Variants in USH2A observed in about 807,000 individuals in gnomAD.
USH2A encodes the protein usherin.
A neutral mutation model predicts 538.9 loss-of-function variants in USH2A; 443 were observed. The observed-to-expected ratio is 0.82, with a 90% CI of 0.76 to 0.89. USH2A has a LOEUF of 0.89. USH2A is among the 40% of genes least tolerant of loss of function. USH2A has a pLI of 0.00. For synonymous variants in USH2A, 2,413 were observed against 2,273.5 expected (o/e 1.06, Z -1.75); for missense variants, 6,633 against 6,324.8 (o/e 1.05, Z -1.65).
At chr1:216,231,473 CTA>C (rs1387354940) in intron 14 of USH2A, among the ~76,000 whole-genome samples, 2 of 150,476 alleles carry the variant, frequency 1.3e-5, no homozygotes, top group African/African-American at 2.4e-5. Context: ...GCAACCCACT[CTA>C]GGAAATATTC....
intron 9 of USH2A, among the ~76,000 whole-genome samples, chr1:216,319,679 CTT>C (rs1347564905): frequency 6.6e-6 from 1 of 152,134 alleles, no homozygotes; most frequent in Non-Finnish European, 1.5e-5. Flanking sequence ...ATCAAAGACT[CTT>C]AGTTGAAACT....
rs1378195147 is a variant in USH2A at position 216,175,266 on chromosome 1, T to C, written c.4613A>G (p.Asn1538Ser). 5 of 1,613,730 alleles carry C rather than the reference T, an allele frequency of 3.1e-6. No homozygotes were observed. Among genetic ancestry groups the C allele is most frequent in the Non-Finnish European group, 4.2e-6 (5 of 1,179,846 alleles). Residue 1538 changes from asparagine to serine, a missense_variant, in exon 21 of 72, where the codon AAT (asparagine) becomes AGT (serine). Coordinates refer to ENST00000307340, the MANE Select transcript of USH2A (RefSeq NM_206933.4). ...CKFPSSTHPV[N>S]TDFTGIKASF... ...AACACACTTACCAGTGAAGTCTGTA[T>C]TGACTGGGTGAGTGGAGCTGGGAAA...
chr1:216,384,729 T>A (rs1201536496), intron 3 of USH2A, among the ~76,000 whole-genome samples: 2 of 151,874 alleles, frequency 1.3e-5, no homozygotes, highest in Non-Finnish European at 2.9e-5. Context: ...AAGAAGGCAG[T>A]CAGGTGAATG....
At chr1:216,217,086 T>A (rs188171650) in intron 15 of USH2A, among the ~76,000 whole-genome samples, 26 of 152,250 alleles carry the variant, frequency 1.7e-4, no homozygotes, top group African/African-American at 6.0e-4. Context: ...AAAAGTCTTG[T>A]GTCCTGGGAA....
At chr1:215,813,554 G>A (rs1254721233) in intron 49 of USH2A, among the ~76,000 whole-genome samples, 182 bp downstream of exon 49, 1 of 152,100 alleles carries the variant, frequency 6.6e-6, no homozygotes, top group Non-Finnish European at 1.5e-5. Context: ...CTAATATTTA[G>A]CCTTGCTTAT....
chr1:215,881,823 A>AT (rs57541744), intron 41 of USH2A, among the ~76,000 whole-genome samples: 21,885 of 152,100 alleles, frequency 0.14, 1,544 homozygotes, highest in East Asian at 0.2. Flanking sequence ...TCAGGTTTCC[A>AT]TTTTTTCTGT....
Position 215,838,067 on chromosome 1 carries a change from TGCTTTTCAC to T in USH2A, c.9286_9294del (p.Val3096_Ser3098del). On this transcript the variant is annotated inframe_deletion, in exon 47 of 72. Transcript: ENST00000307340. ...TCCACAGTGGTAATTTGGGTTCCAT[TGCTTTTCAC>T]GCAGGCATATATTGTGCAGACTTCA... The T allele has an allele frequency of 6.2e-7, 1 of 1,614,026 alleles. No individual in the cohort carries two copies. The highest frequency in any genetic ancestry group is 8.5e-7 in the Non-Finnish European group (1 of 1,179,932).
intron 38 of USH2A, among the ~76,000 whole-genome samples, chr1:215,920,240 A>G (rs745563867): frequency 1.2e-4 from 18 of 152,064 alleles, no homozygotes; most frequent in Admixed American, 4.6e-4. Flanking sequence ...TACATGAGAC[A>G]GAGGGAGACA....
At position 215,647,718 on chromosome 1, in the gene USH2A, T is replaced by C. The variant is rs898025476; in HGVS notation, c.14595A>G (p.Gln4865=). The C allele has an allele frequency of 3.7e-6, 6 of 1,614,156 alleles. No individual in the cohort carries two copies. In the Admixed American group the frequency reaches 8.3e-5, roughly 22 times the overall value. The change falls in exon 67 of 72, where the codon CAA becomes CAG. Residue 4865 remains glutamine, a synonymous_variant. Coordinates refer to ENST00000307340, the MANE Select transcript of USH2A (RefSeq NM_206933.4). ...PNGVIHSYEL[Q]FHVACPPDSA... is the part of the protein sequence containing the mutation. ...AGTCAGGAGGGCAAGCCACGTGGAATTGGAGTTCATAGCTAAAATGAGAAT... is the reference window on the plus strand; with the variant it reads ...AGTCAGGAGGGCAAGCCACGTGGAACTGGAGTTCATAGCTAAAATGAGAAT...
At chr1:216,334,236 A>AAAATTTTG (rs1183525625) in intron 4 of USH2A, among the ~76,000 whole-genome samples, 2 of 152,058 alleles carry the variant, frequency 1.3e-5, no homozygotes, top group African/African-American at 4.8e-5. Flanking sequence ...ATATAGGTGC[A>AAAATTTTG]AAATTTTGCA....
chr1:215,751,245 A>T (rs532198542), intron 58 of USH2A, among the ~76,000 whole-genome samples: 26 of 152,248 alleles, frequency 1.7e-4, no homozygotes, highest in African/African-American at 6.0e-4. Context: ...AATGATAAAT[A>T]AAAAAATTTG....
chr1:216,334,826 G>C (rs916726615), intron 4 of USH2A, among the ~76,000 whole-genome samples: 2 of 151,756 alleles, frequency 1.3e-5, no homozygotes, highest in Admixed American at 6.6e-5. Context: ...AAGATTTAAA[G>C]AGAAAAATTC....
intron 11 of USH2A, among the ~76,000 whole-genome samples, chr1:216,281,182 A>G (rs2036767937): frequency 6.6e-6 from 1 of 152,170 alleles, no homozygotes; most frequent in Non-Finnish European, 1.5e-5. Flanking sequence ...TAATATATGA[A>G]TGTGATTTAA....
intron 3 of USH2A, among the ~76,000 whole-genome samples, chr1:216,365,567 G>T (rs899567134): frequency 1.3e-5 from 2 of 152,088 alleles, no homozygotes; most frequent in South Asian, 4.1e-4. Flanking sequence ...GTATCCGGTT[G>T]GTGATTTTCA....
chr1:216,214,733 C>A (rs1007304827), intron 15 of USH2A, among the ~76,000 whole-genome samples: 1 of 151,782 alleles, frequency 6.6e-6, no homozygotes, highest in African/African-American at 2.4e-5. Flanking sequence ...AAAAGGAGAG[C>A]TAGAAGAGGC....
chr1:216,064,576 C>A (rs2031290999), intron 30 of USH2A, among the ~76,000 whole-genome samples: 1 of 151,852 alleles, frequency 6.6e-6, no homozygotes, highest in Non-Finnish European at 1.5e-5. Context: ...CAAGTTGCTG[C>A]CATGTGGTCA....
intron 4 of USH2A, among the ~76,000 whole-genome samples, chr1:216,329,753 G>A: frequency 6.6e-6 from 1 of 151,910 alleles, no homozygotes; most frequent in East Asian, 1.9e-4. Context: ...TACTCCTTGT[G>A]GGGAACTTTC....
At chr1:215,976,570 G>A (rs191522552) in intron 35 of USH2A, among the ~76,000 whole-genome samples, 38 of 152,180 alleles carry the variant, frequency 2.5e-4, no homozygotes, top group South Asian at 4.1e-4. Context: ...TGAGATGATC[G>A]TGTGATTTTT....
At chr1:215,996,560 G>GTTTTTTTTTTTTTTTTTTTTTTT (rs753233925) in intron 34 of USH2A, among the ~76,000 whole-genome samples, 2 of 51,718 alleles carry the variant, frequency 3.9e-5, no homozygotes, top group African/African-American at 9.3e-5. Flanking sequence ...AACATATTAT[G>GTTTTTTTTTTTTTTTTTTTTTTT]TTTTTTTTTT....
Sources: gnomAD v4.1 joint callset for allele counts (sites outside exome capture counted in the v4.1 genomes callset) on GRCh38, gnomAD v4.1.1 for gene constraint, MANE v1.5 for transcripts, NCBI Gene and HGNC (gene_info 2026-07-23, HGNC 2026-07-21) for gene names.